The following RAB31 variants were observed in gnomAD, a reference collection of about 807,000 sequenced individuals.
The protein encoded by RAB31 is RAB31, member RAS oncogene family.
A neutral mutation model predicts 25.6 loss-of-function variants in RAB31; 21 were observed. That is an observed-to-expected ratio of 0.82 (90% confidence interval 0.58 to 1.18). The LOEUF is 1.18. RAB31 is among the 50% of genes most tolerant of loss of function. The pLI is 0.00. For synonymous variants in RAB31, 87 were observed against 84.0 expected (o/e 1.04, Z -0.20); for missense variants, 196 against 250.1 (o/e 0.78, Z 1.46).
At chr18:9,753,018 C>T (rs1374703698) in intron 1 of RAB31, among the ~76,000 whole-genome samples, 1 of 152,184 alleles carries the variant, frequency 6.6e-6, no homozygotes, top group Non-Finnish European at 1.5e-5. Context: ...ATGTTTCAAA[C>T]ATTTACTGAT....
chr18:9,809,491 G>A (rs984245661), intron 3 of RAB31, among the ~76,000 whole-genome samples: 2 of 151,168 alleles, frequency 1.3e-5, no homozygotes, highest in African/African-American at 2.5e-5. Context: ...TAAACCTCCA[G>A]GGAAGCATGT....
chr18:9,813,184 G>A (rs1383926052), intron 3 of RAB31, among the ~76,000 whole-genome samples: 1 of 152,172 alleles, frequency 6.6e-6, no homozygotes, highest in African/African-American at 2.4e-5. Flanking sequence ...CTTGTCATTT[G>A]TGGACCTTAG....
At chr18:9,830,888 T>C (rs1416050260) in intron 5 of RAB31, among the ~76,000 whole-genome samples, 1 of 152,214 alleles carries the variant, frequency 6.6e-6, no homozygotes, top group Non-Finnish European at 1.5e-5. Context: ...ATATGTATGC[T>C]GCTTAATTTT....
intron 6 of RAB31, among the ~76,000 whole-genome samples, chr18:9,849,282 T>G (rs2068776865): frequency 6.6e-6 from 1 of 152,202 alleles, no homozygotes. Context: ...CTAGGGAGAT[T>G]GCAAGTTCTT....
chr18:9,857,372 C>T (rs2068821689), intron 6 of RAB31, among the ~76,000 whole-genome samples: 1 of 152,080 alleles, frequency 6.6e-6, no homozygotes, highest in African/African-American at 2.4e-5. Context: ...CATTAGGTAA[C>T]ACCCACTTGC....
intron 5 of RAB31, among the ~76,000 whole-genome samples, chr18:9,823,093 A>G (rs2068631819): frequency 6.6e-6 from 1 of 152,216 alleles, no homozygotes; most frequent in Admixed American, 6.5e-5. Context: ...AAGGAGGCAA[A>G]CTGCTGATAC....
intron 1 of RAB31, among the ~76,000 whole-genome samples, chr18:9,758,332 A>G (rs1405181575): frequency 1.3e-5 from 2 of 152,044 alleles, no homozygotes; most frequent in African/African-American, 2.4e-5. Flanking sequence ...CTCCATCCAC[A>G]TGTTCATGGG....
chr18:9,714,771 A>T (rs2145453411), intron 1 of RAB31, among the ~76,000 whole-genome samples: 1 of 152,310 alleles, frequency 6.6e-6, no homozygotes, highest in South Asian at 2.1e-4. Flanking sequence ...TGTAGACAGG[A>T]TGGCAGTGAT....
intron 5 of RAB31, among the ~76,000 whole-genome samples, chr18:9,816,459 A>G (rs1174064206): frequency 6.6e-6 from 1 of 152,220 alleles, no homozygotes; most frequent in Non-Finnish European, 1.5e-5. Flanking sequence ...TTTTACTAAC[A>G]CTTTCCTATG....
At position 9,729,252 on chromosome 18, in the gene RAB31, G is replaced by A. The variant is rs74569710; in HGVS notation, c.39+20808G>A. 6.7e-3 allele frequency among the ~76,000 whole-genome samples: 1,020 copies of A among 152,204 alleles called. 15 individuals are homozygous for A. The highest frequency in any genetic ancestry group is 0.023 in the African/African-American group (966 of 41,510). On this transcript the variant is annotated intron_variant, in intron 1 of 6. Transcript: ENST00000578921. The stretch of plus-strand genomic sequence containing the variant: ...TACTCTAATATTATAAAAGTATTTA[G>A]CGCGATGGCTCATGTCTGTAATCCC...
At chr18:9,839,583 C>G (rs1193893589) in intron 5 of RAB31, among the ~76,000 whole-genome samples, 1 of 152,072 alleles carries the variant, frequency 6.6e-6, no homozygotes, top group African/African-American at 2.4e-5. Context: ...GGCTTTATCA[C>G]AGAGCATTGA....
At chr18:9,764,507 T>C (rs886882329) in intron 1 of RAB31, among the ~76,000 whole-genome samples, 1 of 152,150 alleles carries the variant, frequency 6.6e-6, no homozygotes, top group Non-Finnish European at 1.5e-5. Context: ...TATGCGGGAA[T>C]TGAGGATGAA....
chr18:9,833,028 G>T (rs1359131252), intron 5 of RAB31, among the ~76,000 whole-genome samples: 3 of 152,044 alleles, frequency 2.0e-5, no homozygotes, highest in African/African-American at 7.2e-5. Flanking sequence ...CCTGGACCTC[G>T]ACCAGAGACT....
intron 1 of RAB31, among the ~76,000 whole-genome samples, chr18:9,733,739 T>G (rs897662630): frequency 6.6e-6 from 1 of 152,074 alleles, no homozygotes; most frequent in African/African-American, 2.4e-5. Context: ...CCTGCAGCCC[T>G]TCTGCAGCCA....
At chr18:9,747,188 T>C (rs1189469717) in intron 1 of RAB31, among the ~76,000 whole-genome samples, 2 of 152,188 alleles carry the variant, frequency 1.3e-5, no homozygotes, top group East Asian at 3.8e-4. Flanking sequence ...ATTAGGTAAA[T>C]GCAGATTAAA....
chr18:9,813,085 C>G, intron 3 of RAB31, among the ~76,000 whole-genome samples: 1 of 152,198 alleles, frequency 6.6e-6, no homozygotes, highest in Non-Finnish European at 1.5e-5. Flanking sequence ...CATTCTGAGA[C>G]TAATGACCTC....
intron 2 of RAB31, chr18:9,785,048 T>C (rs905541376): frequency 6.6e-6 from 1 of 152,288 alleles, no homozygotes; most frequent in African/African-American, 2.4e-5. Context: ...TAAAGACCGA[T>C]GTTACTTGGG....
At chr18:9,709,954 C>T (rs1285290956) in intron 1 of RAB31, among the ~76,000 whole-genome samples, 1 of 152,186 alleles carries the variant, frequency 6.6e-6, no homozygotes, top group East Asian at 1.9e-4. Flanking sequence ...GAAGAGGCAG[C>T]CTTGATGTGC....
chr18:9,727,711 ATTT>A (rs1351194875), intron 1 of RAB31, among the ~76,000 whole-genome samples: 1 of 152,208 alleles, frequency 6.6e-6, no homozygotes, highest in African/African-American at 2.4e-5. Flanking sequence ...TCTTGTTTCC[ATTT>A]TTAATGAACA....
Sources: allele counts gnomAD v4.1 joint callset (sites outside exome capture counted in the v4.1 genomes callset), GRCh38; gene constraint gnomAD v4.1.1; transcripts MANE v1.5; gene names NCBI Gene and HGNC (gene_info 2026-07-23, HGNC 2026-07-21).